Variants in GABRB2 observed in about 807,000 individuals in gnomAD.
GABRB2 encodes gamma-aminobutyric acid type A receptor subunit beta2.
A neutral mutation model predicts 54.7 loss-of-function variants in GABRB2; 16 were observed. The observed-to-expected ratio is 0.29, with a 90% confidence interval of 0.20 to 0.44. The LOEUF is 0.44. Among genes scored for constraint, GABRB2 ranks in the 20% least tolerant of loss-of-function variants. The probability of loss-of-function intolerance (pLI) is 1.00; values close to 1 mark genes in which losing one functional copy is unlikely to be tolerated. For missense variants in GABRB2, 355 were observed against 644.0 expected (o/e 0.55, Z 4.86); for synonymous variants, 244 against 233.8 (o/e 1.04, Z -0.40).
chr5:161,439,766 T>C (rs1480074823), intron 4 of GABRB2, among the ~76,000 whole-genome samples: 1 of 151,812 alleles, frequency 6.6e-6, no homozygotes, highest in Non-Finnish European at 1.5e-5. Flanking sequence ...ATGGGTTATA[T>C]GATGAGAATA....
intron 5 of GABRB2, among the ~76,000 whole-genome samples, chr5:161,393,932 T>A (rs1214652062): frequency 6.6e-6 from 1 of 152,078 alleles, no homozygotes; most frequent in Non-Finnish European, 1.5e-5. Context: ...ATTAATAACC[T>A]TCAACTGCAC....
At chr5:161,386,641 G>T (rs990201101) in intron 5 of GABRB2, among the ~76,000 whole-genome samples, 1 of 151,962 alleles carries the variant, frequency 6.6e-6, no homozygotes, top group Admixed American at 6.6e-5. Context: ...GTGATTAACT[G>T]ATTCTACCCA....
intron 3 of GABRB2, among the ~76,000 whole-genome samples, chr5:161,518,967 C>T (rs1283499057): frequency 6.6e-6 from 1 of 152,130 alleles, no homozygotes; most frequent in African/African-American, 2.4e-5. Context: ...GTTTCTTAGG[C>T]ACCAACCTCA....
At chr5:161,359,227 G>A (rs1056524511) in intron 5 of GABRB2, among the ~76,000 whole-genome samples, 6 of 152,138 alleles carry the variant, frequency 3.9e-5, no homozygotes, top group African/African-American at 1.2e-4. Flanking sequence ...AAAAAAATAC[G>A]TATTCAATAC....
chr5:161,533,729 T>C (rs958878514), intron 3 of GABRB2, among the ~76,000 whole-genome samples: 12 of 152,126 alleles, frequency 7.9e-5, no homozygotes, highest in African/African-American at 2.9e-4. Context: ...AATGTGCTCA[T>C]ATGTTTGCAT....
At chr5:161,295,027 G>GA (rs1160877669) in intron 9 of GABRB2, among the ~76,000 whole-genome samples, 1 of 152,174 alleles carries the variant, frequency 6.6e-6, no homozygotes, top group Admixed American at 6.5e-5. Flanking sequence ...ATAGGGTAAA[G>GA]AAATAGTGTT....
chr5:161,330,687 G>T, intron 8 of GABRB2, 196 bp downstream of exon 8: 1 of 672,488 alleles, frequency 1.5e-6, no homozygotes. Context: ...TTAATGGAAA[G>T]GGCATCCAAA....
At chr5:161,365,437 T>C (rs1561623739) in intron 5 of GABRB2, among the ~76,000 whole-genome samples, 1 of 152,320 alleles carries the variant, frequency 6.6e-6, no homozygotes, top group South Asian at 2.1e-4. Flanking sequence ...CAATGTAGTA[T>C]TGTTATGTTT....
intron 4 of GABRB2, among the ~76,000 whole-genome samples, chr5:161,411,517 A>G (rs958875087): frequency 6.6e-6 from 1 of 152,166 alleles, no homozygotes; most frequent in East Asian, 1.9e-4. Context: ...CTTTCTATAC[A>G]TAGTATAGTA....
intron 4 of GABRB2, among the ~76,000 whole-genome samples, chr5:161,411,468 G>A (rs531449353): frequency 6.6e-4 from 100 of 152,224 alleles, no homozygotes; most frequent in African/African-American, 2.3e-3. Context: ...TCAGAAACAT[G>A]TAATCTATCA....
intron 5 of GABRB2, among the ~76,000 whole-genome samples, chr5:161,397,068 A>G (rs1482959292): frequency 6.6e-6 from 1 of 152,222 alleles, no homozygotes; most frequent in African/African-American, 2.4e-5. Context: ...TCAAAACTTA[A>G]AAGAGCCTTT....
intron 4 of GABRB2, among the ~76,000 whole-genome samples, chr5:161,440,897 G>A (rs2113208147): frequency 6.6e-6 from 1 of 152,158 alleles, no homozygotes; most frequent in African/African-American, 2.4e-5. Flanking sequence ...AACTGGTGCT[G>A]GTAAAACTGT....
At chr5:161,427,363 G>A (rs1413377708) in intron 4 of GABRB2, among the ~76,000 whole-genome samples, 1 of 152,134 alleles carries the variant, frequency 6.6e-6, no homozygotes, top group African/African-American at 2.4e-5. Context: ...AAGATTACTT[G>A]GCGGATAGTG....
At chr5:161,546,454 G>C (rs1469500046) in intron 1 of GABRB2, 41 bp from the exon 2 acceptor site, 7 of 1,590,078 alleles carry the variant, frequency 4.4e-6, no homozygotes, top group Non-Finnish European at 6.0e-6. Flanking sequence ...CAATAAGGAA[G>C]CAGGCATAGC....
intron 2 of GABRB2, among the ~76,000 whole-genome samples, chr5:161,545,667 T>C (rs549415229): frequency 1.2e-3 from 179 of 151,852 alleles, no homozygotes; most frequent in African/African-American, 4.2e-3. Context: ...CCCCCTTCTG[T>C]GCACAGGTTT....
intron 9 of GABRB2, among the ~76,000 whole-genome samples, chr5:161,307,837 A>T (rs1757736660): frequency 6.6e-6 from 1 of 151,112 alleles, no homozygotes; most frequent in Admixed American, 6.6e-5. Context: ...AAATTCATTG[A>T]TTTATATAGG....
chr5:161,447,983 A>G (rs1325539923), intron 4 of GABRB2, among the ~76,000 whole-genome samples: 1 of 152,186 alleles, frequency 6.6e-6, no homozygotes, highest in East Asian at 1.9e-4. Flanking sequence ...CTATTGGTCC[A>G]GTACTCTCTG....
intron 4 of GABRB2, among the ~76,000 whole-genome samples, chr5:161,449,344 A>C (rs995659472): frequency 6.6e-6 from 1 of 152,190 alleles, no homozygotes; most frequent in African/African-American, 2.4e-5. Flanking sequence ...AAAAGTATCC[A>C]ATAAAGGTTA....
chr5:161,344,703 C>T (rs1045525189), intron 5 of GABRB2, among the ~76,000 whole-genome samples: 2 of 151,824 alleles, frequency 1.3e-5, no homozygotes, highest in Non-Finnish European at 1.5e-5. Flanking sequence ...GAATATATAC[C>T]CAAAAATTAT....
Sources: allele counts gnomAD v4.1 joint callset (sites outside exome capture counted in the v4.1 genomes callset), GRCh38; gene constraint gnomAD v4.1.1; transcripts MANE v1.5; gene names NCBI Gene and HGNC (gene_info 2026-07-23, HGNC 2026-07-21).